FRMD6: variants seen among roughly 807,000 people sequenced by gnomAD.
FRMD6 encodes the protein FERM domain-containing protein 6.
A neutral mutation model predicts 73.2 loss-of-function variants in FRMD6; 37 were observed. The observed-to-expected ratio is 0.51, with a 90% CI of 0.39 to 0.66. FRMD6 has a LOEUF of 0.66. FRMD6 is among the 30% of genes least tolerant of loss of function. The pLI, the probability that FRMD6 is intolerant of heterozygous loss-of-function variation, is 0.00. For missense variants in FRMD6, 714 were observed against 780.5 expected, an observed-to-expected ratio of 0.91 and a Z score of 1.02; for synonymous variants, 273 against 282.2, an observed-to-expected ratio of 0.97 and a Z score of 0.33.
chr14:51,598,228 C>T (rs1889830310), intron 2 of FRMD6, among the ~76,000 whole-genome samples: 1 of 152,042 alleles, frequency 6.6e-6, no homozygotes, highest in Non-Finnish European at 1.5e-5. Flanking sequence ...CAGAAATTAA[C>T]ATTATAATCT....
chr14:51,583,421 T>C (rs568882713), intron 2 of FRMD6, among the ~76,000 whole-genome samples: 79 of 152,206 alleles, frequency 5.2e-4, no homozygotes, highest in Non-Finnish European at 8.8e-4. Context: ...GGAGACATTA[T>C]CTACATGCAC....
At chr14:51,464,548 C>T in the FRMD6 span, among the ~76,000 whole-genome samples, 5 of 152,066 alleles carry the variant, frequency 3.3e-5, no homozygotes, top group African/African-American at 4.8e-5. Flanking sequence ...TTTCTGAAGG[C>T]GGGGATGGGG....
chr14:51,655,222 C>T (rs754629699), intron 1 of FRMD6, among the ~76,000 whole-genome samples: 10 of 152,124 alleles, frequency 6.6e-5, no homozygotes, highest in Non-Finnish European at 1.2e-4. Flanking sequence ...TGTTTTTAAA[C>T]GTGTACTCCC....
intron 1 of FRMD6, chr14:51,522,835 G>T (rs1436033668): frequency 6.6e-6 from 1 of 152,192 alleles, no homozygotes; most frequent in African/African-American, 2.4e-5. Context: ...CATTGAAAAT[G>T]CAAGACATAA....
chr14:51,406,033 G>C, the FRMD6 span, among the ~76,000 whole-genome samples: 597 of 152,242 alleles, frequency 3.9e-3, 2 homozygotes, highest in East Asian at 8.7e-3. Context: ...AAGAGGGCTG[G>C]TTTCAATCTT....
chr14:51,630,005 C>G (rs145796442), intron 2 of FRMD6, among the ~76,000 whole-genome samples: 1 of 152,262 alleles, frequency 6.6e-6, no homozygotes, highest in African/African-American at 2.4e-5. Flanking sequence ...TGGTCTCGAA[C>G]TCCTGAGCTC....
intron 2 of FRMD6, among the ~76,000 whole-genome samples, chr14:51,586,378 ACTT>A (rs1889052797): frequency 6.6e-6 from 1 of 152,046 alleles, no homozygotes; most frequent in South Asian, 2.1e-4. Context: ...CACATCTATG[ACTT>A]CTTTTGAAAA....
At chr14:51,543,213 C>A (rs1259563502) in intron 1 of FRMD6, among the ~76,000 whole-genome samples, 2 of 152,028 alleles carry the variant, frequency 1.3e-5, no homozygotes, top group Non-Finnish European at 2.9e-5. Context: ...TACCAAGATC[C>A]TATCTGTTGA....
At position 51,729,599 on chromosome 14, in the gene FRMD6, A is replaced by C. The variant is rs186556712; in HGVS notation, c.*1570A>C. ...CTATCTGCCCAGTTTTATTAAAAAA[A>C]CTATATATTATTTTCTAAAGAAACA... On this transcript the variant is annotated 3_prime_UTR_variant, in exon 14 of 14. Coordinates refer to ENST00000344768, the MANE Select transcript of FRMD6 (RefSeq NM_001267046.2). 5.8e-4 allele frequency: 88 copies of C among 152,778 alleles called. 2 individuals are homozygous for C. The East Asian group carries it at 0.014, about 24-fold the overall frequency. The allele number at this position is 152,778 out of a possible 1,614,324, so 9.5% of individuals were successfully genotyped here.
At chr14:51,535,170 C>G (rs1885809563) in intron 1 of FRMD6, among the ~76,000 whole-genome samples, 1 of 152,174 alleles carries the variant, frequency 6.6e-6, no homozygotes. Flanking sequence ...TCAAACCTTT[C>G]TAGCCCCACT....
the FRMD6 span, among the ~76,000 whole-genome samples, chr14:51,462,564 T>G: frequency 6.6e-6 from 1 of 152,188 alleles, no homozygotes; most frequent in Non-Finnish European, 1.5e-5. Context: ...CCTTTCTGGT[T>G]CCTGGTAATC....
At chr14:51,522,693 T>G (rs764938315) in intron 1 of FRMD6, among the ~76,000 whole-genome samples, 30 of 152,210 alleles carry the variant, frequency 2.0e-4, no homozygotes, top group Non-Finnish European at 2.9e-4. Flanking sequence ...AAAGGGAATG[T>G]TGCATTTTCT....
In FRMD6 at chr14:51,704,820, G is replaced by A. The variant is rs201228025; in HGVS notation, c.443G>A (p.Arg148Gln). Residue 148 changes from arginine (R) to glutamine (Q), a missense_variant, in exon 6 of 14, where the codon CGA (arginine) becomes CAA (glutamine). Physicochemically the swap from Arg to Gln is conservative, Grantham distance 43. Transcript: ENST00000344768. ...KQVLHSQCVL[R>Q]EEAYFLLAAF... The stretch of plus-strand genomic sequence containing the variant: ...GTTCTTCATTCTCAGTGTGTGCTCC[G>A]AGAGGAGGCCTACTTCCTGCTGGCA... 61 of 1,613,368 alleles carry A rather than the reference G, an allele frequency of 3.8e-5. No homozygotes were observed. The East Asian group carries it at 1.1e-3, about 29-fold the overall frequency.
rs557124494 is a variant in FRMD6, at chr14:51,590,055, C to T, written c.-147+19645C>T. 3.5e-4 allele frequency among the ~76,000 whole-genome samples: 31 copies of T among 89,552 alleles called. 1 individual carries two copies. Among genetic ancestry groups the T allele is most frequent in the African/African-American group, 1.2e-3 (25 of 20,248 alleles). 58.7% of individuals were successfully genotyped at this position (89,552 alleles called of 152,430 possible). Reference sequence around the variant, plus strand: ...CGCACTCCAGCCTGGGCAACAAGAGCGAAACTCAAAAAAAAAAAAAAAAAA... The same window carrying T: ...CGCACTCCAGCCTGGGCAACAAGAGTGAAACTCAAAAAAAAAAAAAAAAAA... On this transcript the variant is annotated intron_variant, in intron 2 of 14. Transcript: ENST00000356218.
intron 1 of FRMD6, among the ~76,000 whole-genome samples, chr14:51,687,373 C>T (rs1436169039): frequency 6.6e-6 from 1 of 151,960 alleles, no homozygotes; most frequent in Non-Finnish European, 1.5e-5. Context: ...TTAATCAAAG[C>T]TTATAATTTC....
intron 2 of FRMD6, among the ~76,000 whole-genome samples, chr14:51,584,537 G>A (rs1175085389): frequency 6.6e-6 from 1 of 152,168 alleles, no homozygotes; most frequent in East Asian, 1.9e-4. Flanking sequence ...ACCTGTGAGA[G>A]GGAGTTGGCT....
chr14:51,549,595 C>CTTTTTTTTT lies in FRMD6; in HGVS notation c.-209-20741_-209-20733dup, dbSNP rs35356416. Among the ~76,000 whole-genome samples the CTTTTTTTTT allele has an allele frequency of 3.3e-3, 322 of 97,998 alleles. 15 individuals are homozygous for CTTTTTTTTT. The highest frequency in any genetic ancestry group is 0.012 in the African/African-American group (294 of 24,420). 64.3% of individuals were successfully genotyped at this position (97,998 alleles called of 152,430 possible). A position where few individuals can be genotyped will look rare whatever the true frequency, so the allele number is the denominator to read the frequency against. On this transcript the variant is annotated intron_variant, in intron 1 of 14. Coordinates refer to the FRMD6 transcript ENST00000356218. ...TGGAGTATAAACTTTTTTTTTCTTTCTTTTTTTTTTTTTTTTTTTTGAGAC... is the reference window on the plus strand; with the variant it reads ...TGGAGTATAAACTTTTTTTTTCTTTCTTTTTTTTTTTTTTTTTTTTTTTTTTTTTGAGAC...
chr14:51,707,923 A>T (rs909131662), intron 6 of FRMD6, among the ~76,000 whole-genome samples, 155 bp from the exon 7 acceptor site: 1 of 152,182 alleles, frequency 6.6e-6, no homozygotes, highest in African/African-American at 2.4e-5. Context: ...GCCTAGTAAC[A>T]TAACAGATGG....
the FRMD6 span, among the ~76,000 whole-genome samples, chr14:51,429,286 A>G: frequency 6.6e-6 from 1 of 152,206 alleles, no homozygotes; most frequent in African/African-American, 2.4e-5. Flanking sequence ...GTGAGCTCTC[A>G]TGAAATGGCT....
Sources: gnomAD v4.1 joint callset for allele counts (sites outside exome capture counted in the v4.1 genomes callset) on GRCh38, gnomAD v4.1.1 for gene constraint, MANE v1.5 for transcripts, NCBI Gene and HGNC (gene_info 2026-07-23, HGNC 2026-07-21) for gene names.